STPG2: variants seen among roughly 807,000 people sequenced by gnomAD.
STPG2 encodes the protein sperm tail PG-rich repeat containing 2.
In STPG2, 56 loss-of-function variants were observed where a neutral mutation model predicts 54.2. That is an observed-to-expected ratio of 1.03 (90% confidence interval 0.83 to 1.29). The LOEUF (loss-of-function observed/expected upper bound fraction) is 1.29, where lower values mean the gene tolerates loss of function less well. STPG2 is among the 50% of genes most tolerant of loss of function. The pLI is 0.00. For missense variants in STPG2, 596 were observed against 544.9 expected (o/e 1.09, Z -0.93); for synonymous variants, 200 against 181.8 (o/e 1.10, Z -0.81).
At chr4:98,046,569 T>A (rs1053547889) in intron 5 of STPG2, among the ~76,000 whole-genome samples, 1 of 152,136 alleles carries the variant, frequency 6.6e-6, no homozygotes, top group Non-Finnish European at 1.5e-5. Context: ...CCCAGGAGAT[T>A]AGGGTGTGCC....
At position 97,447,614 on chromosome 4, in the gene STPG2, G is replaced by T. The variant is rs534015424; in HGVS notation, c.463-259781C>A. Among the ~76,000 whole-genome samples the T allele has an allele frequency of 1.9e-4, 29 of 152,328 alleles. 1 individual carries two copies. The South Asian group carries it at 4.6e-3, about 24-fold the overall frequency. ...GGTTCAAACTGTTGCTTCAGAGGGT[G>T]CAAGCTCCAAGATTTGGTGGTTTAC... On this transcript the variant is annotated intron_variant, in intron 4 of 4. Coordinates refer to the STPG2 transcript ENST00000522676.
At chr4:97,937,565 A>G (rs1732794020) in intron 8 of STPG2, among the ~76,000 whole-genome samples, 1 of 152,064 alleles carries the variant, frequency 6.6e-6, no homozygotes, top group Non-Finnish European at 1.5e-5. Context: ...AGGTTTTTGT[A>G]GGAACTTTTT....
At chr4:97,933,755 G>A (rs1732639130) in intron 8 of STPG2, among the ~76,000 whole-genome samples, 1 of 152,246 alleles carries the variant, frequency 6.6e-6, no homozygotes, top group Admixed American at 6.5e-5. Flanking sequence ...ATGCTGTTTT[G>A]GTTACTGTAG....
chr4:97,953,404 A>T (rs1272084499), intron 7 of STPG2, among the ~76,000 whole-genome samples: 1 of 152,138 alleles, frequency 6.6e-6, no homozygotes, highest in Non-Finnish European at 1.5e-5. Context: ...AGCCTTCCCC[A>T]CAGAGACTGC....
chr4:97,780,993 T>C (rs1338548142), intron 9 of STPG2, among the ~76,000 whole-genome samples: 1 of 151,926 alleles, frequency 6.6e-6, no homozygotes, highest in East Asian at 1.9e-4. Context: ...AGATCTAAAA[T>C]TGACACCCTA....
At chr4:97,513,319 C>G (rs1457342536) in intron 4 of STPG2, among the ~76,000 whole-genome samples, 1 of 152,060 alleles carries the variant, frequency 6.6e-6, no homozygotes, top group Non-Finnish European at 1.5e-5. Flanking sequence ...TAAATCCTGT[C>G]TTTTGGGGTT....
intron 10 of STPG2, among the ~76,000 whole-genome samples, chr4:97,644,818 A>C (rs912863009): frequency 1.3e-5 from 2 of 152,020 alleles, no homozygotes; most frequent in Non-Finnish European, 2.9e-5. Context: ...AAGCCTCCTT[A>C]CTTTAAACTT....
At chr4:98,134,715 A>G (rs2110168572) in intron 1 of STPG2, among the ~76,000 whole-genome samples, 1 of 151,522 alleles carries the variant, frequency 6.6e-6, no homozygotes, top group South Asian at 2.1e-4. Flanking sequence ...AAAATAAAGC[A>G]CTCTTATCTT....
chr4:97,856,550 A>C (rs1051275025), intron 8 of STPG2, among the ~76,000 whole-genome samples: 3 of 152,152 alleles, frequency 2.0e-5, no homozygotes, highest in African/African-American at 7.2e-5. Flanking sequence ...TGAGCTTAAG[A>C]AGCTTTTGGT....
intron 4 of STPG2, among the ~76,000 whole-genome samples, chr4:97,508,409 T>A (rs941558892): frequency 6.6e-6 from 1 of 152,092 alleles, no homozygotes; most frequent in Non-Finnish European, 1.5e-5. Flanking sequence ...CAAAATATGG[T>A]TATTCACTAT....
chr4:97,649,435 C>CAAAAA (rs1203496300), intron 10 of STPG2, among the ~76,000 whole-genome samples: 5 of 151,682 alleles, frequency 3.3e-5, no homozygotes, highest in African/African-American at 4.8e-5. Flanking sequence ...GTTTTTAGGG[C>CAAAAA]AAAAAAATAG....
intron 8 of STPG2, among the ~76,000 whole-genome samples, chr4:97,904,420 A>G (rs925094964): frequency 1.3e-5 from 2 of 152,212 alleles, no homozygotes; most frequent in Non-Finnish European, 2.9e-5. Context: ...AAACTAACAA[A>G]CAGAAAGGAT....
intron 9 of STPG2, among the ~76,000 whole-genome samples, chr4:97,820,796 C>T (rs944326571): frequency 1.2e-4 from 18 of 151,966 alleles, no homozygotes; most frequent in African/African-American, 3.6e-4. Context: ...GAGAGGTTAC[C>T]ACACACTTTA....
At chr4:97,976,673 TTACTC>T (rs893370888) in intron 6 of STPG2, among the ~76,000 whole-genome samples, 15 of 152,122 alleles carry the variant, frequency 9.9e-5, no homozygotes, top group Non-Finnish European at 4.4e-5. Flanking sequence ...GTCCAATTCT[TTACTC>T]TAATCTAATA....
chr4:97,786,999 A>T (rs759099180), intron 9 of STPG2, among the ~76,000 whole-genome samples: 4 of 152,066 alleles, frequency 2.6e-5, no homozygotes, highest in Non-Finnish European at 5.9e-5. Context: ...CATCCACTGG[A>T]GGTTTTGGAA....
intron 9 of STPG2, among the ~76,000 whole-genome samples, chr4:97,728,540 A>G (rs1358447468): frequency 1.3e-5 from 2 of 152,074 alleles, no homozygotes; most frequent in Non-Finnish European, 1.5e-5. Context: ...CCTCTCTTGT[A>G]TGACCAGAGT....
chr4:97,981,411 T>C, intron 5 of STPG2, 93 bp from the exon 6 acceptor site: 2 of 1,256,178 alleles, frequency 1.6e-6, no homozygotes, highest in Non-Finnish European at 2.2e-6. Context: ...ATATAACATC[T>C]GGAGTTAATT....
intron 4 of STPG2, among the ~76,000 whole-genome samples, chr4:97,488,696 A>G (rs1730430355): frequency 6.6e-6 from 1 of 151,706 alleles, no homozygotes; most frequent in African/African-American, 2.4e-5. Context: ...AGTTGAACAG[A>G]AAGAGACAAT....
intron 9 of STPG2, among the ~76,000 whole-genome samples, chr4:97,783,777 C>T (rs911690493): frequency 1.3e-5 from 2 of 152,120 alleles, no homozygotes; most frequent in African/African-American, 4.8e-5. Flanking sequence ...TTTGTAGAGA[C>T]GTGGATGAAG....
Sources: gnomAD v4.1 joint callset for allele counts (sites outside exome capture counted in the v4.1 genomes callset) on GRCh38, gnomAD v4.1.1 for gene constraint, MANE v1.5 for transcripts, NCBI Gene and HGNC (gene_info 2026-07-23, HGNC 2026-07-21) for gene names.